Variants in WNK1 observed in about 807,000 individuals in gnomAD.
WNK1 encodes serine/threonine-protein kinase WNK1.
A neutral mutation model predicts 222.8 loss-of-function variants in WNK1; 38 were observed. The ratio of observed to expected loss-of-function variants is 0.17; its 90% CI spans 0.13 to 0.22. The LOEUF (loss-of-function observed/expected upper bound fraction) is 0.22. WNK1 is among the 10% of genes least tolerant of loss of function. The probability of loss-of-function intolerance (pLI) is 1.00; values close to 1 mark genes in which losing one functional copy is unlikely to be tolerated. For synonymous variants in WNK1, 1,090 were observed against 1,092.9 expected (o/e 1.00, Z 0.05); for missense variants, 2,348 against 2,918.4 (o/e 0.80, Z 4.50).
At chr12:898,837 T>G (rs1235310569) in intron 25 of WNK1, among the ~76,000 whole-genome samples, 1 of 152,140 alleles carries the variant, frequency 6.6e-6, no homozygotes, top group Non-Finnish European at 1.5e-5. Flanking sequence ...CCTCCCAGTT[T>G]CAAGTGATCC....
intron 1 of WNK1, among the ~76,000 whole-genome samples, chr12:802,489 A>G (rs917881419): frequency 1.3e-5 from 2 of 152,202 alleles, no homozygotes; most frequent in Admixed American, 6.5e-5. Flanking sequence ...TGGAGGATCT[A>G]TCCTTGTTCA....
At chr12:880,116 T>A in intron 11 of WNK1, 85 bp downstream of exon 11, 1 of 1,299,236 alleles carries the variant, frequency 7.7e-7, no homozygotes, top group South Asian at 1.2e-5. Flanking sequence ...TAGTTGAGTG[T>A]CAGAATAACT....
chr12:869,056 G>T (rs1385894500), intron 8 of WNK1: 1 of 1,613,756 alleles, frequency 6.2e-7, no homozygotes, highest in African/African-American at 1.3e-5. Context: ...CATCTCAGCA[G>T]GTCTTAACTG....
At chr12:777,292 T>C (rs1014747153) in intron 1 of WNK1, among the ~76,000 whole-genome samples, 4 of 151,870 alleles carry the variant, frequency 2.6e-5, no homozygotes, top group African/African-American at 9.7e-5. Flanking sequence ...CCTCAGTAGC[T>C]GGGACTACAG....
At position 894,822 on chromosome 12, in the gene WNK1, T is replaced by G. The variant is rs56291311; in HGVS notation, c.5583+187T>G. On this transcript the variant is annotated intron_variant, in intron 23 of 27. Coordinates refer to ENST00000315939, the MANE Select transcript of WNK1 (RefSeq NM_018979.4). ...ATACTAAATAAAATATAGAAATACTTAGAACAGTAGAGACACGGTAGATAG... is the reference window on the plus strand; with the variant it reads ...ATACTAAATAAAATATAGAAATACTGAGAACAGTAGAGACACGGTAGATAG... 0.047 allele frequency among the ~76,000 whole-genome samples: 7,158 copies of G among 152,270 alleles called. 245 individuals carry two copies. Among genetic ancestry groups the G allele is most frequent in the Non-Finnish European group, 0.065 (4,416 of 68,008 alleles).
intron 1 of WNK1, among the ~76,000 whole-genome samples, chr12:798,249 T>C (rs1301971880): frequency 1.3e-5 from 2 of 151,766 alleles, no homozygotes; most frequent in African/African-American, 2.4e-5. Context: ...TGGAGTGCAG[T>C]GGCCCGATCT....
chr12:814,206 G>T (rs1290099776), intron 2 of WNK1, among the ~76,000 whole-genome samples: 2 of 151,932 alleles, frequency 1.3e-5, no homozygotes, highest in Non-Finnish European at 2.9e-5. Context: ...GCGTGCACCT[G>T]TAACCCCAGC....
Position 911,298 on chromosome 12 carries a change from A to AAAC in WNK1, c.*2507_*2509dup, listed in dbSNP as rs1555166332. On this transcript the variant is annotated 3_prime_UTR_variant, in exon 28 of 28. Transcript: ENST00000315939. ...CTGTTAAAAATAAAAATAAAAATTC[A>AAAC]AACTTTGGGGGTTTCTCAGCAGCCG... 1.0e-5 allele frequency: 4 copies of AAAC among 398,488 alleles called. No individual in the cohort carries two copies. Among genetic ancestry groups the AAAC allele is most frequent in the Non-Finnish European group, 1.8e-5 (4 of 226,070 alleles). 24.7% of individuals were successfully genotyped at this position (398,488 alleles called of 1,614,324 possible).
At chr12:889,263 T>C in intron 21 of WNK1, 40 bp downstream of exon 21, 1 of 1,500,572 alleles carries the variant, frequency 6.7e-7, no homozygotes, top group Non-Finnish European at 9.3e-7. Context: ...CTCATAACCC[T>C]AATATATTAT....
Position 896,477 on chromosome 12 carries a change from A to T in WNK1, c.5990A>T (p.Glu1997Val), listed in dbSNP as rs1483121963. Reference sequence around the variant, plus strand: ...CTTCCTGCTGTGATACCAAAGAAAGAGAAGCCTGAACTGTCAGAGCCTTCA... The same window carrying T: ...CTTCCTGCTGTGATACCAAAGAAAGTGAAGCCTGAACTGTCAGAGCCTTCA... ...AVLPAVIPKK[E>V]KPELSEPSHL... The change falls in exon 24 of 28, where the codon GAG (glutamate) becomes GTG (valine). Residue 1997 changes from glutamate to valine, a missense_variant. By Grantham distance (121) the Glu-to-Val change is moderately radical. Transcript: ENST00000315939. 1 of 1,614,000 alleles carries T rather than the reference A, an allele frequency of 6.2e-7. No homozygotes were observed. Among genetic ancestry groups the T allele is most frequent in the Non-Finnish European group, 8.5e-7 (1 of 1,180,008 alleles).
intron 1 of WNK1, among the ~76,000 whole-genome samples, chr12:777,250 C>T (rs1943219872): frequency 6.6e-6 from 1 of 151,222 alleles, no homozygotes; most frequent in Non-Finnish European, 1.5e-5. Flanking sequence ...GCAGCCTCCG[C>T]CTCCTGGGTT....
rs1180041683 is a variant in WNK1, at chr12:879,520, T to A, written c.2374-53T>A. ...TTGCTTTTGGCAGCCTTGCTTTTTT[T>A]TTTTTTTTTTTTTTTTTAAGCCTGT... On this transcript the variant is annotated intron_variant, in intron 10 of 27. Transcript: ENST00000315939. 2.8e-6 allele frequency: 3 copies of A among 1,056,242 alleles called. No homozygotes were observed. The African/African-American group carries it at 5.0e-5, about 17-fold the overall frequency. The allele number at this position is 1,056,242 out of a possible 1,614,324, so 65.4% of individuals were successfully genotyped here.
chr12:836,966 A>G (rs1159545175), intron 4 of WNK1, among the ~76,000 whole-genome samples: 2 of 152,150 alleles, frequency 1.3e-5, no homozygotes, highest in African/African-American at 4.8e-5. Context: ...GTTACTGAAT[A>G]TATTATATAC....
At chr12:820,666 G>T (rs1947787617) in intron 2 of WNK1, among the ~76,000 whole-genome samples, 1 of 151,552 alleles carries the variant, frequency 6.6e-6, no homozygotes, top group Non-Finnish European at 1.5e-5. Context: ...ATAAAGATAG[G>T]GTCTCAATAT....
Position 825,369 on chromosome 12 carries a change from T to G in WNK1, c.933-1673T>G, listed in dbSNP as rs74058217. Among the ~76,000 whole-genome samples, 930 of 152,348 alleles carry G rather than the reference T, an allele frequency of 6.1e-3. 12 individuals are homozygous for G. The highest frequency in any genetic ancestry group is 0.021 in the African/African-American group (886 of 41,576). ...TCTGCATGTTTTTCATTTTAAGTAG[T>G]TGCCCTGAAGATTACATTTACGTTG... On this transcript the variant is annotated intron_variant, in intron 2 of 27. Transcript: ENST00000315939.
At chr12:843,674 C>T (rs1007704663) in intron 4 of WNK1, among the ~76,000 whole-genome samples, 12 of 152,146 alleles carry the variant, frequency 7.9e-5, no homozygotes, top group African/African-American at 2.9e-4. Context: ...ATATTGAGGA[C>T]CCTGAAGGGT....
chr12:893,434 C>T (rs764430305), intron 22 of WNK1, among the ~76,000 whole-genome samples: 1 of 152,036 alleles, frequency 6.6e-6, no homozygotes, highest in African/African-American at 2.4e-5. Flanking sequence ...ACATAAAAAT[C>T]GCTCAATGTT....
chr12:879,513 CTTTTTTTTT>C, intron 10 of WNK1, 51 bp from the exon 11 acceptor site: 3 of 403,020 alleles, frequency 7.4e-6, no homozygotes, highest in South Asian at 3.0e-5. Flanking sequence ...GGCAGCCTTG[CTTTTTTTTT>C]TTTTTTTTTT....
In WNK1 at chr12:757,622, A is replaced by G. The variant is rs1233697705; in HGVS notation, c.759+3298A>G. Among the ~76,000 whole-genome samples, 3 of 152,128 alleles carry G rather than the reference A, an allele frequency of 2.0e-5. 1 individual carries two copies. The highest frequency in any genetic ancestry group is 4.4e-5 in the Non-Finnish European group (3 of 68,028). ...TTTATTAGACAAGTAGTGCACCTTA[A>G]TTTTAATATTTGGTTGTCTTGGTCA... On this transcript the variant is annotated intron_variant, in intron 1 of 27. Transcript: ENST00000315939.
Sources: gnomAD v4.1 joint callset for allele counts (sites outside exome capture counted in the v4.1 genomes callset) on GRCh38, gnomAD v4.1.1 for gene constraint, MANE v1.5 for transcripts, NCBI Gene and HGNC (gene_info 2026-07-23, HGNC 2026-07-21) for gene names.